CEP126: variants seen among roughly 807,000 people sequenced by gnomAD.
The protein encoded by CEP126 is centrosomal protein 126.
Under a neutral mutation model 107.8 loss-of-function variants are expected in CEP126, and 74 were observed. That is an observed-to-expected ratio of 0.69 (90% CI 0.57 to 0.83). The LOEUF (loss-of-function observed/expected upper bound fraction) is 0.83. Ranked by LOEUF, CEP126 falls within the 40% of genes least tolerant of loss-of-function variation. The pLI, the probability that CEP126 is intolerant of heterozygous loss-of-function variation, is 0.00. For synonymous variants in CEP126, 449 were observed against 446.0 expected (o/e 1.01, Z -0.08); for missense variants, 1,237 against 1,281.9 (o/e 0.96, Z 0.53).
intron 8 of CEP126, among the ~76,000 whole-genome samples, chr11:101,985,225 ATAT>A (rs531288309): frequency 6.6e-6 from 1 of 152,066 alleles, no homozygotes; most frequent in South Asian, 2.1e-4. Context: ...ATTATTTAAA[ATAT>A]TATATAAAAT....
chr11:101,983,382 C>T (rs1279404057), intron 8 of CEP126, among the ~76,000 whole-genome samples: 1 of 150,372 alleles, frequency 6.7e-6, no homozygotes. Context: ...GAAGTTAATG[C>T]AAAACATTAA....
At chr11:101,986,785 T>G in intron 8 of CEP126, 47 bp from the exon 9 acceptor site, 1 of 1,444,346 alleles carries the variant, frequency 6.9e-7, no homozygotes, top group Non-Finnish European at 9.7e-7. Flanking sequence ...AGGGCTGATC[T>G]CAAAGACAAA....
intron 2 of CEP126, among the ~76,000 whole-genome samples, chr11:101,939,551 G>C (rs761340144): frequency 1.8e-4 from 27 of 152,176 alleles, no homozygotes; most frequent in Non-Finnish European, 3.4e-4. Flanking sequence ...AAACTGTGAA[G>C]GGTCTGAGAT....
chr11:101,960,279 G>T (rs1485129031), intron 5 of CEP126, among the ~76,000 whole-genome samples: 1 of 152,168 alleles, frequency 6.6e-6, no homozygotes, highest in African/African-American at 2.4e-5. Context: ...ATCAGAAGTT[G>T]CCAAACTTCT....
intron 10 of CEP126, among the ~76,000 whole-genome samples, chr11:101,994,098 G>A (rs1035322840): frequency 2.0e-5 from 3 of 152,178 alleles, no homozygotes; most frequent in Admixed American, 6.5e-5. Context: ...AGCCAGGCGT[G>A]GTGGTGTGCA....
chr11:101,946,137 T>A (rs190720952), intron 3 of CEP126, among the ~76,000 whole-genome samples: 1 of 152,142 alleles, frequency 6.6e-6, no homozygotes, highest in African/African-American at 2.4e-5. Context: ...CATATCCATA[T>A]TCATCCTTTT....
chr11:101,927,782 T>C lies in CEP126; in HGVS notation c.248+5022T>C, dbSNP rs186036997. Reference sequence around the variant, plus strand: ...TTATTATTATTATTATTTCATGATATGGATGCACCAGAGTTTGACCATTCA... The same window carrying C: ...TTATTATTATTATTATTTCATGATACGGATGCACCAGAGTTTGACCATTCA... On this transcript the variant is annotated intron_variant, in intron 2 of 10. Transcript: ENST00000263468. Among the ~76,000 whole-genome samples the C allele has an allele frequency of 2.4e-4, 37 of 152,330 alleles. No homozygotes were observed. The East Asian group carries it at 6.4e-3, about 26-fold the overall frequency.
chr11:101,965,781 T>G (rs1941051295), intron 6 of CEP126, among the ~76,000 whole-genome samples: 2 of 152,154 alleles, frequency 1.3e-5, no homozygotes, highest in Admixed American at 6.5e-5. Context: ...GACACTGTTT[T>G]GCAAAGAAGT....
chr11:101,958,530 AT>A (rs3217499), intron 5 of CEP126, among the ~76,000 whole-genome samples, 164 bp downstream of exon 5: 8,878 of 152,106 alleles, frequency 0.058, 478 homozygotes, highest in East Asian at 0.27. Flanking sequence ...TATAGAAATA[AT>A]TTTTTAGTTT....
chr11:101,975,667 C>A (rs1363778342), intron 6 of CEP126, among the ~76,000 whole-genome samples: 1 of 152,082 alleles, frequency 6.6e-6, no homozygotes, highest in African/African-American at 2.4e-5. Context: ...TTTTGGTGTA[C>A]AGATTATTTT....
intron 2 of CEP126, among the ~76,000 whole-genome samples, chr11:101,930,863 T>G (rs1364549250): frequency 6.6e-6 from 1 of 152,200 alleles, no homozygotes; most frequent in Non-Finnish European, 1.5e-5. Context: ...GTTGAATCTG[T>G]AGATATGGAA....
At chr11:101,974,859 C>T (rs753311164) in intron 6 of CEP126, among the ~76,000 whole-genome samples, 34 of 151,962 alleles carry the variant, frequency 2.2e-4, no homozygotes, top group Admixed American at 4.6e-4. Flanking sequence ...TCTTTAACTG[C>T]GATCAATAAT....
At chr11:101,920,111 G>A (rs531976989) in intron 1 of CEP126, among the ~76,000 whole-genome samples, 2 of 152,218 alleles carry the variant, frequency 1.3e-5, no homozygotes, top group South Asian at 4.1e-4. Flanking sequence ...TTGAAGTAGT[G>A]TAAAATTTTA....
chr11:101,938,230 G>T (rs1194203683), intron 2 of CEP126, among the ~76,000 whole-genome samples: 5 of 148,838 alleles, frequency 3.4e-5, no homozygotes, highest in Admixed American at 3.3e-4. Context: ...GCATAAAGTT[G>T]TTTGTAATAT....
intron 2 of CEP126, among the ~76,000 whole-genome samples, chr11:101,925,373 C>T (rs750021528): frequency 6.6e-6 from 1 of 152,156 alleles, no homozygotes; most frequent in Non-Finnish European, 1.5e-5. Flanking sequence ...GGCATTTATT[C>T]ACTCAACATG....
At chr11:101,950,090 G>T (rs747085468) in intron 4 of CEP126, among the ~76,000 whole-genome samples, 1 of 152,176 alleles carries the variant, frequency 6.6e-6, no homozygotes, top group Non-Finnish European at 1.5e-5. Context: ...ATGTGGTAAT[G>T]AATCTGGAAG....
At chr11:101,954,424 A>C (rs898753913) in intron 4 of CEP126, among the ~76,000 whole-genome samples, 4 of 152,196 alleles carry the variant, frequency 2.6e-5, no homozygotes, top group Admixed American at 1.3e-4. Context: ...TAGAAGAGTT[A>C]AACTGTCAGA....
intron 5 of CEP126, 119 bp from the exon 6 acceptor site, chr11:101,961,622 T>C: frequency 1.7e-6 from 1 of 575,382 alleles, no homozygotes; most frequent in South Asian, 2.7e-5. Context: ...CTATGATGTT[T>C]ATAGTCATAC....
intron 7 of CEP126, among the ~76,000 whole-genome samples, chr11:101,980,378 A>G (rs1413787639): frequency 6.6e-6 from 1 of 152,230 alleles, no homozygotes; most frequent in Non-Finnish European, 1.5e-5. Context: ...GGAAACAAAC[A>G]AACAAAATTT....
Sources: allele counts gnomAD v4.1 joint callset (sites outside exome capture counted in the v4.1 genomes callset), GRCh38; gene constraint gnomAD v4.1.1; transcripts MANE v1.5; gene names NCBI Gene and HGNC (gene_info 2026-07-23, HGNC 2026-07-21).